The following AHCYL1 variants were observed in gnomAD, a reference collection of about 807,000 sequenced individuals.
AHCYL1 encodes the protein S-adenosylhomocysteine hydrolase-like protein 1.
AHCYL1 carries 20 observed loss-of-function variants against 79.3 expected under a neutral mutation model. The ratio of observed to expected loss-of-function variants is 0.25; its 90% CI spans 0.18 to 0.37. The LOEUF (loss-of-function observed/expected upper bound fraction) is 0.37. AHCYL1 is among the 10% of genes least tolerant of loss of function. The probability of loss-of-function intolerance (pLI) is 1.00; values close to 1 mark genes in which losing one functional copy is unlikely to be tolerated. For synonymous variants in AHCYL1, 223 were observed against 242.2 expected (o/e 0.92, Z 0.74); for missense variants, 330 against 673.6 (o/e 0.49, Z 5.65).
chr1:110,016,213 A>G, intron 7 of AHCYL1, 131 bp from the exon 8 acceptor site: 1 of 619,050 alleles, frequency 1.6e-6, no homozygotes, highest in Non-Finnish European at 2.9e-6. Context: ...GTTTTCTAAT[A>G]TCCTTGGGCA....
rs1650517320 is a variant in AHCYL1 at position 110,004,398 on chromosome 1, C to T, written c.121-4636C>T. ...GAATGGAAGAAGTGACTGGAGGTGG[C>T]TGTGGATTCAACTCTGGCCTGAGAT... On this transcript the variant is annotated intron_variant, in intron 1 of 16. Coordinates refer to ENST00000369799, the MANE Select transcript of AHCYL1 (RefSeq NM_006621.7). 3.0e-6 allele frequency: 3 copies of T among 985,444 alleles called. No homozygotes were observed. In the African/African-American group the frequency reaches 5.2e-5, roughly 17 times the overall value. 61.0% of individuals were successfully genotyped at this position (985,444 alleles called of 1,614,324 possible). A position where few individuals can be genotyped will look rare whatever the true frequency, so the allele number is the denominator to read the frequency against.
intron 1 of AHCYL1, among the ~76,000 whole-genome samples, chr1:110,007,141 T>G (rs559857267): frequency 3.3e-5 from 5 of 152,206 alleles, no homozygotes; most frequent in Admixed American, 2.6e-4. Context: ...AAACTGCAAG[T>G]GTTATTGCAG....
At chr1:109,994,188 C>A (rs962564439) in intron 1 of AHCYL1, among the ~76,000 whole-genome samples, 1 of 152,224 alleles carries the variant, frequency 6.6e-6, no homozygotes, top group Non-Finnish European at 1.5e-5. Flanking sequence ...TTTGTGTGTT[C>A]TGTTTCACTT....
intron 9 of AHCYL1, 131 bp from the exon 10 acceptor site, chr1:110,017,364 C>T (rs1031244269): frequency 2.8e-5 from 20 of 721,806 alleles, no homozygotes; most frequent in Non-Finnish European, 4.2e-5. Context: ...GGGATTGGAG[C>T]GTCTGTGCAG....
intron 1 of AHCYL1, among the ~76,000 whole-genome samples, chr1:109,991,946 A>G (rs1021104267): frequency 1.3e-5 from 2 of 152,200 alleles, no homozygotes; most frequent in African/African-American, 4.8e-5. Context: ...AACCTTTGGG[A>G]CATAGGTTTC....
intron 1 of AHCYL1, among the ~76,000 whole-genome samples, chr1:109,995,183 A>C (rs142576127): frequency 1.1e-3 from 168 of 152,358 alleles, no homozygotes; most frequent in African/African-American, 3.8e-3. Flanking sequence ...ACCTGTGTTA[A>C]GCACCTTATT....
At chr1:110,012,487 G>A in intron 4 of AHCYL1, 25 bp downstream of exon 4, 1 of 1,545,916 alleles carries the variant, frequency 6.5e-7, no homozygotes, top group Non-Finnish European at 8.7e-7. Context: ...AGAAAAGAGG[G>A]ACTTCTGATA....
intron 1 of AHCYL1, among the ~76,000 whole-genome samples, chr1:109,998,974 A>G (rs1650165985): frequency 6.6e-6 from 1 of 152,010 alleles, no homozygotes; most frequent in Non-Finnish European, 1.5e-5. Context: ...CAACATAGTG[A>G]AGTCCCCATC....
intron 1 of AHCYL1, among the ~76,000 whole-genome samples, chr1:110,008,115 C>T (rs182489058): frequency 1.3e-5 from 2 of 150,682 alleles, no homozygotes; most frequent in Admixed American, 6.6e-5. Context: ...CACCACCTCC[C>T]GGGTTCAAGC....
At chr1:110,004,853 G>A (rs1650545838) in intron 1 of AHCYL1, among the ~76,000 whole-genome samples, 1 of 152,190 alleles carries the variant, frequency 6.6e-6, no homozygotes, top group Non-Finnish European at 1.5e-5. Flanking sequence ...GGTAGAATCT[G>A]TAGAAGAAAA....
chr1:110,004,989 CT>C (rs936487507), intron 1 of AHCYL1, among the ~76,000 whole-genome samples: 34 of 151,396 alleles, frequency 2.2e-4, no homozygotes, highest in South Asian at 2.1e-4. Context: ...TTTATTGTTA[CT>C]TTTTTTTTGC....
chr1:110,023,207 T>C lies in AHCYL1; in HGVS notation c.*1527T>C, dbSNP rs1651904294. On this transcript the variant is annotated 3_prime_UTR_variant, in exon 17 of 17. Coordinates refer to ENST00000369799, the MANE Select transcript of AHCYL1 (RefSeq NM_006621.7). ...GAGAGACAGACATTAAAAACAAAAA[T>C]AGAAGAAAGGAAAGCTTTCACCCTG... is the stretch of plus-strand genomic sequence containing the variant. The C allele has an allele frequency of 6.6e-6, 1 of 152,526 alleles. No individual in the cohort carries two copies. The highest frequency in any genetic ancestry group is 2.1e-4 in the South Asian group (1 of 4,828). 9.4% of individuals were successfully genotyped at this position (152,526 alleles called of 1,614,324 possible). A position where few individuals can be genotyped will look rare whatever the true frequency, so the allele number is the denominator to read the frequency against.
chr1:110,018,908 C>T, intron 13 of AHCYL1, 143 bp from the exon 14 acceptor site: 2 of 831,294 alleles, frequency 2.4e-6, no homozygotes, highest in Non-Finnish European at 4.0e-6. Context: ...AGGAAAAAGC[C>T]TAGAGTCCTG....
intron 6 of AHCYL1, 75 bp downstream of exon 6, chr1:110,014,932 A>G (rs1651308970): frequency 1.4e-6 from 2 of 1,408,702 alleles, no homozygotes; most frequent in East Asian, 2.3e-5. Context: ...TGGTTCCCTA[A>G]ATATGTTTTG....
chr1:109,987,931 T>G (rs924904029), intron 1 of AHCYL1, among the ~76,000 whole-genome samples: 1 of 152,244 alleles, frequency 6.6e-6, no homozygotes, highest in South Asian at 2.1e-4. Flanking sequence ...GTTGGGGAGT[T>G]AAGATAGCAG....
In AHCYL1 at chr1:109,984,880, G is replaced by A. The variant is rs1649377761; in HGVS notation, c.-173G>A. On this transcript the variant is annotated 5_prime_UTR_variant, in exon 1 of 17. Coordinates refer to ENST00000369799, the MANE Select transcript of AHCYL1 (RefSeq NM_006621.7). ...CGCTGTCCGGCTGCCTTGGGCTGCC[G>A]AACAGACAAGGCGTGGGCCACAGCA... The A allele has an allele frequency of 4.5e-6, 5 of 1,101,338 alleles. No individual in the cohort carries two copies. The highest frequency in any genetic ancestry group is 7.3e-5 in the East Asian group (2 of 27,586). 68.2% of individuals were successfully genotyped at this position (1,101,338 alleles called of 1,614,324 possible).
chr1:110,015,105 A>T (rs921879108), intron 6 of AHCYL1, among the ~76,000 whole-genome samples: 3 of 152,068 alleles, frequency 2.0e-5, no homozygotes, highest in Admixed American at 6.6e-5. Context: ...TTGGAGTAGG[A>T]TTCTGCTTTC....
intron 14 of AHCYL1, 94 bp from the exon 15 acceptor site, chr1:110,019,451 TGTA>T (rs1651648424): frequency 9.4e-7 from 1 of 1,064,426 alleles, no homozygotes; most frequent in Non-Finnish European, 1.4e-6. Context: ...GGTAGATCAC[TGTA>T]GTACTTACCC....
chr1:109,986,983 T>C (rs1649502342), intron 1 of AHCYL1, among the ~76,000 whole-genome samples: 1 of 152,216 alleles, frequency 6.6e-6, no homozygotes, highest in Non-Finnish European at 1.5e-5. Flanking sequence ...ATTTTAGACT[T>C]ATATTGCATT....
Sources: allele counts gnomAD v4.1 joint callset (sites outside exome capture counted in the v4.1 genomes callset), GRCh38; gene constraint gnomAD v4.1.1; transcripts MANE v1.5; gene names NCBI Gene and HGNC (gene_info 2026-07-23, HGNC 2026-07-21).